RPS6KC1: variants seen among roughly 807,000 people sequenced by gnomAD.
RPS6KC1 encodes the protein ribosomal protein S6 kinase C1, also known as inactive ribosomal protein S6 kinase delta-1.
Under a neutral mutation model 103.8 loss-of-function variants are expected in RPS6KC1, and 54 were observed. The observed-to-expected ratio is 0.52, with a 90% CI of 0.42 to 0.65. The LOEUF (loss-of-function observed/expected upper bound fraction) is 0.65, where lower values mean the gene tolerates loss of function less well. Ranked by LOEUF, RPS6KC1 falls within the 30% of genes least tolerant of loss-of-function variation. RPS6KC1 has a pLI of 0.00. For missense variants in RPS6KC1, 1,151 were observed against 1,253.8 expected (o/e 0.92, Z 1.24); for synonymous variants, 439 against 438.7 (o/e 1.00, Z -0.01).
chr1:213,312,473 A>T, the RPS6KC1 span, among the ~76,000 whole-genome samples: 1 of 152,202 alleles, frequency 6.6e-6, no homozygotes, highest in Non-Finnish European at 1.5e-5. Context: ...GGCGGCTTCT[A>T]TCCTAGCTCT....
At chr1:213,461,123 G>C in the RPS6KC1 span, among the ~76,000 whole-genome samples, 20 of 152,128 alleles carry the variant, frequency 1.3e-4, no homozygotes, top group African/African-American at 4.6e-4. Flanking sequence ...AAAATCACAA[G>C]AATTCCTATA....
chr1:213,232,146 C>T lies in RPS6KC1; in HGVS notation c.1116C>T (p.Tyr372=), dbSNP rs183071790. Residue 372 remains tyrosine (Y), a synonymous_variant, in exon 10 of 15, where the codon TAC becomes TAT. Coordinates refer to ENST00000366960, the MANE Select transcript of RPS6KC1 (RefSeq NM_012424.6). Reference sequence around the variant, plus strand: ...AGGGTCTAAGGAAAAGCAGTGAATACAGCAGGAACAGAAAGACCATCATCC... The same window carrying T: ...AGGGTCTAAGGAAAAGCAGTGAATATAGCAGGAACAGAAAGACCATCATCC... ...ILKGLRKSSE[Y]SRNRKTIIPR... The T allele has an allele frequency of 6.2e-7, 1 of 1,613,888 alleles. No individual in the cohort carries two copies. The highest frequency in any genetic ancestry group is 1.3e-5 in the African/African-American group (1 of 75,034).
chr1:213,658,312 G>A, the RPS6KC1 span, among the ~76,000 whole-genome samples: 1 of 152,170 alleles, frequency 6.6e-6, no homozygotes, highest in Non-Finnish European at 1.5e-5. Context: ...GATCCGGAGA[G>A]GGGGTGACAT....
At chr1:213,515,203 T>G in the RPS6KC1 span, among the ~76,000 whole-genome samples, 1 of 152,246 alleles carries the variant, frequency 6.6e-6, no homozygotes, top group Admixed American at 6.5e-5. Flanking sequence ...GATGGTAGTT[T>G]CTTTTGCTCT....
the RPS6KC1 span, among the ~76,000 whole-genome samples, chr1:213,804,630 G>T: frequency 3.9e-5 from 6 of 152,176 alleles, no homozygotes; most frequent in Non-Finnish European, 1.5e-5. Flanking sequence ...AGCATACAAT[G>T]TAATTAACTT....
the RPS6KC1 span, among the ~76,000 whole-genome samples, chr1:213,306,262 G>A: frequency 7.2e-5 from 11 of 152,278 alleles, no homozygotes; most frequent in East Asian, 1.2e-3. Flanking sequence ...CCAGGGATCA[G>A]GAAAATGTGA....
the RPS6KC1 span, among the ~76,000 whole-genome samples, chr1:213,374,328 AC>A: frequency 9.2e-5 from 14 of 152,224 alleles, no homozygotes; most frequent in African/African-American, 3.1e-4. Context: ...CAAACTGATA[AC>A]TTTTATTTAT....
intron 6 of RPS6KC1, among the ~76,000 whole-genome samples, chr1:213,143,723 A>G (rs1292377640): frequency 1.3e-5 from 2 of 151,912 alleles, no homozygotes; most frequent in Non-Finnish European, 2.9e-5. Context: ...TACTTAACAT[A>G]AACTTAATGA....
chr1:213,209,502 C>T (rs1479333606), intron 8 of RPS6KC1, among the ~76,000 whole-genome samples: 1 of 151,724 alleles, frequency 6.6e-6, no homozygotes, highest in Non-Finnish European at 1.5e-5. Flanking sequence ...TCAAGACCAG[C>T]CTGGCCAACA....
chr1:213,554,774 T>TGAA, the RPS6KC1 span, among the ~76,000 whole-genome samples: 1 of 152,228 alleles, frequency 6.6e-6, no homozygotes, highest in African/African-American at 2.4e-5. Flanking sequence ...TGCAGAGATA[T>TGAA]TCATTCAGTG....
chr1:213,497,305 C>T, the RPS6KC1 span, among the ~76,000 whole-genome samples: 55 of 151,838 alleles, frequency 3.6e-4, no homozygotes, highest in Non-Finnish European at 3.5e-4. Context: ...CAACAAACTT[C>T]GCAGAGCATG....
rs768955544 is a variant in RPS6KC1, at chr1:213,240,825, C to T, written c.1349C>T (p.Pro450Leu). 3.7e-6 allele frequency: 6 copies of T among 1,613,912 alleles called. No homozygotes were observed. Among genetic ancestry groups the T allele is most frequent in the South Asian group, 1.1e-5 (1 of 91,068 alleles). ...KVHLQQPTSS[P>L]QDSSSFESRG... ...CACCTGCAGCAGCCAACTTCTAGTC[C>T]TCAGGACAGCAGTAGCTTTGAATCC... Residue 450 changes from proline to leucine, a missense_variant, in exon 11 of 15, where the codon CCT becomes CTT. Physicochemically the swap from Pro to Leu is moderately conservative, Grantham distance 98. This residue lies in a region of RPS6KC1 where 959 missense variants were observed against 1,006.3 expected (regional missense o/e 0.95). Coordinates refer to ENST00000366960, the MANE Select transcript of RPS6KC1 (RefSeq NM_012424.6).
At chr1:213,296,505 G>A in the RPS6KC1 span, among the ~76,000 whole-genome samples, 1 of 152,184 alleles carries the variant, frequency 6.6e-6, no homozygotes, top group Non-Finnish European at 1.5e-5. Context: ...AAGCTGTTCA[G>A]CAGTGGGTCC....
In RPS6KC1 at chr1:213,169,781, G is replaced by GTT. The variant is rs67593764; in HGVS notation, c.951+1825_951+1826dup. ...TTTTTTTAAATTTTTAAATTTTTAA[G>GTT]TTTTTTTTTTTTTTTTTTGAGATGG... On this transcript the variant is annotated intron_variant, in intron 7 of 14. Coordinates refer to ENST00000366960, the MANE Select transcript of RPS6KC1 (RefSeq NM_012424.6). 1.0e-3 allele frequency among the ~76,000 whole-genome samples: 138 copies of GTT among 133,878 alleles called. 1 individual carries two copies. The highest frequency in any genetic ancestry group is 1.9e-3 in the South Asian group (8 of 4,180). 87.8% of individuals were successfully genotyped at this position (133,878 alleles called of 152,430 possible).
chr1:213,051,554 G>A (rs901475368), intron 1 of RPS6KC1, 45 bp downstream of exon 1: 1 of 1,408,018 alleles, frequency 7.1e-7, no homozygotes, highest in Admixed American at 1.8e-5. Context: ...ATTGGGACCT[G>A]AGGATCTGGG....
chr1:213,125,243 T>C (rs896834617), intron 5 of RPS6KC1, among the ~76,000 whole-genome samples: 11 of 152,122 alleles, frequency 7.2e-5, no homozygotes, highest in African/African-American at 2.7e-4. Flanking sequence ...GTTTTTAAAG[T>C]AGAATTAAGT....
chr1:213,251,225 G>T (rs1352355077), intron 12 of RPS6KC1, among the ~76,000 whole-genome samples: 2 of 149,196 alleles, frequency 1.3e-5, no homozygotes, highest in Admixed American at 1.4e-4. Context: ...TCCTGTCTCA[G>T]TCTCCCAAGT....
chr1:213,112,364 A>G (rs905725096), intron 4 of RPS6KC1, among the ~76,000 whole-genome samples: 1 of 152,148 alleles, frequency 6.6e-6, no homozygotes, highest in African/African-American at 2.4e-5. Flanking sequence ...CTCTAGCTGC[A>G]TGTAGAGTAA....
chr1:213,422,121 AT>A, the RPS6KC1 span, among the ~76,000 whole-genome samples: 9 of 152,124 alleles, frequency 5.9e-5, no homozygotes, highest in Admixed American at 4.6e-4. Flanking sequence ...CAGCTCCAGA[AT>A]TTTTTCATCT....
Sources: gnomAD v4.1 joint callset for allele counts (sites outside exome capture counted in the v4.1 genomes callset) on GRCh38, gnomAD v4.1.1 for gene constraint, gnomAD v4.1.1 regional missense constraint, MANE v1.5 for transcripts, NCBI Gene and HGNC (gene_info 2026-07-23, HGNC 2026-07-21) for gene names.